The following RANBP17 variants were observed in gnomAD, a reference collection of about 807,000 sequenced individuals.
RANBP17 encodes the protein ran-binding protein 17.
In RANBP17, 158 loss-of-function variants were observed where a neutral mutation model predicts 141.2. The observed-to-expected ratio is 1.12, with a 90% CI of 0.98 to 1.28. The LOEUF is 1.28. RANBP17 is among the 50% of genes most tolerant of loss of function. The pLI, the probability that RANBP17 is intolerant of heterozygous loss-of-function variation, is 0.00. For synonymous variants in RANBP17, 430 were observed against 450.0 expected (o/e 0.96, Z 0.56); for missense variants, 1,438 against 1,290.7 (o/e 1.11, Z -1.75).
At chr5:171,162,938 A>C (rs1759451536) in intron 14 of RANBP17, among the ~76,000 whole-genome samples, 1 of 152,188 alleles carries the variant, frequency 6.6e-6, no homozygotes, top group Non-Finnish European at 1.5e-5. Flanking sequence ...GCCTCTTAAG[A>C]GATTTGTTAG....
At chr5:170,950,036 A>G (rs1330957512) in intron 12 of RANBP17, among the ~76,000 whole-genome samples, 1 of 152,168 alleles carries the variant, frequency 6.6e-6, no homozygotes, top group Non-Finnish European at 1.5e-5. Context: ...GGAAAATTGT[A>G]TATCCAGATG....
At chr5:170,962,101 C>A (rs1298304602) in intron 13 of RANBP17, among the ~76,000 whole-genome samples, 1 of 152,204 alleles carries the variant, frequency 6.6e-6, no homozygotes, top group East Asian at 1.9e-4. Context: ...ACCTGAGCCC[C>A]TGATACATCT....
At chr5:171,034,823 CTT>C (rs1252131317) in intron 14 of RANBP17, among the ~76,000 whole-genome samples, 1 of 151,840 alleles carries the variant, frequency 6.6e-6, no homozygotes, top group Admixed American at 6.6e-5. Context: ...TTTTTTCTTT[CTT>C]TGTTTTTTTG....
chr5:171,088,596 A>C (rs1445097199), intron 14 of RANBP17, among the ~76,000 whole-genome samples: 3 of 152,240 alleles, frequency 2.0e-5, no homozygotes, highest in Admixed American at 6.5e-5. Flanking sequence ...ACTTTCAGGT[A>C]CACCAATCAG....
chr5:171,163,353 T>G (rs1434893201), intron 14 of RANBP17, among the ~76,000 whole-genome samples: 1 of 152,214 alleles, frequency 6.6e-6, no homozygotes, highest in African/African-American at 2.4e-5. Context: ...GATTATCATA[T>G]TTTATCCTGC....
intron 5 of RANBP17, chr5:170,903,868 G>T (rs539841911): frequency 6.3e-6 from 3 of 477,548 alleles, no homozygotes; most frequent in East Asian, 1.1e-4. Flanking sequence ...AGATTTGAAG[G>T]GTCCCTTAAT....
At chr5:171,017,414 T>C (rs1363210974) in intron 14 of RANBP17, among the ~76,000 whole-genome samples, 1 of 152,180 alleles carries the variant, frequency 6.6e-6, no homozygotes, top group Non-Finnish European at 1.5e-5. Flanking sequence ...CGCCAGCATC[T>C]ATTGTTTCTT....
At chr5:171,024,726 A>G (rs1162188252) in intron 14 of RANBP17, among the ~76,000 whole-genome samples, 2 of 151,812 alleles carry the variant, frequency 1.3e-5, no homozygotes, top group African/African-American at 4.8e-5. Flanking sequence ...TCTTTAGTCT[A>G]ATAATTTTCC....
intron 24 of RANBP17, among the ~76,000 whole-genome samples, chr5:171,244,263 T>G (rs990101393): frequency 6.7e-6 from 1 of 150,266 alleles, no homozygotes; most frequent in Non-Finnish European, 1.5e-5. Context: ...TGTGGTGGTG[T>G]GCGCCTGTAG....
intron 18 of RANBP17, among the ~76,000 whole-genome samples, chr5:171,186,526 C>CTTCTTTTTTTTT (rs1761249837): frequency 2.4e-5 from 1 of 41,650 alleles, no homozygotes; most frequent in Admixed American, 4.4e-4. Flanking sequence ...GTATGATTTT[C>CTTCTTTTTTTTT]TTTTTTTTTT....
intron 16 of RANBP17, among the ~76,000 whole-genome samples, chr5:171,182,594 G>A (rs916298176): frequency 1.3e-5 from 2 of 152,142 alleles, no homozygotes; most frequent in African/African-American, 4.8e-5. Context: ...TGAAGATTAG[G>A]TGAATTAACA....
chr5:171,044,420 A>T lies in RANBP17; in HGVS notation c.1710+76043A>T, dbSNP rs560412209. Among the ~76,000 whole-genome samples, 13 of 152,100 alleles carry T rather than the reference A, an allele frequency of 8.5e-5. No individual in the cohort carries two copies. The South Asian group carries it at 2.3e-3, about 27-fold the overall frequency. The stretch of plus-strand genomic sequence containing the variant: ...GGAAACTTATTTTACCTTATTAGCA[A>T]TTTTAATTCATTAAGCCTTATTTTT... On this transcript the variant is annotated intron_variant, in intron 14 of 27. Coordinates refer to ENST00000523189, the MANE Select transcript of RANBP17 (RefSeq NM_022897.5).
chr5:170,909,530 A>G (rs1245940959), intron 5 of RANBP17, 131 bp from the exon 6 acceptor site: 1 of 571,446 alleles, frequency 1.7e-6, no homozygotes, highest in African/African-American at 2.0e-5. Flanking sequence ...TAGGAAGAAC[A>G]TTAAATTGAA....
intron 22 of RANBP17, among the ~76,000 whole-genome samples, chr5:171,228,949 C>T (rs578187617): frequency 4.0e-4 from 61 of 152,086 alleles, no homozygotes; most frequent in Non-Finnish European, 6.9e-4. Flanking sequence ...AAAAGTGTGA[C>T]TAACTTTATT....
chr5:171,024,054 C>T (rs771282175), intron 14 of RANBP17, among the ~76,000 whole-genome samples: 135 of 152,132 alleles, frequency 8.9e-4, no homozygotes, highest in Non-Finnish European at 1.4e-3. Flanking sequence ...CCACTAGGAA[C>T]GACATTCCTT....
intron 14 of RANBP17, among the ~76,000 whole-genome samples, chr5:171,068,807 A>G (rs532330885): frequency 5.5e-4 from 84 of 152,144 alleles, no homozygotes; most frequent in African/African-American, 2.0e-3. Context: ...GCCAAGGTCA[A>G]ACTCTTGACC....
chr5:170,949,351 C>T (rs1775020425), intron 12 of RANBP17, among the ~76,000 whole-genome samples: 1 of 152,026 alleles, frequency 6.6e-6, no homozygotes, highest in Admixed American at 6.6e-5. Flanking sequence ...AGATTAGCAT[C>T]TAGAATACAT....
In RANBP17 at chr5:171,242,764, A is replaced by G. The variant is rs1232229920; in HGVS notation, c.2720A>G (p.Glu907Gly). Residue 907 changes from glutamate to glycine, a missense_variant, in exon 24 of 28, where the codon GAG becomes GGG. Coordinates refer to ENST00000523189, the MANE Select transcript of RANBP17 (RefSeq NM_022897.5). Reference sequence around the variant, plus strand: ...CATATGAGCTTCATCATCAACTTAGAGCCTCCTGTACTCATGTATGTTCTC... The same window carrying G: ...CATATGAGCTTCATCATCAACTTAGGGCCTCCTGTACTCATGTATGTTCTC... Reference protein sequence around the residue: ...QDHMSFIINLEPPVLMYVLTS... With the variant: ...QDHMSFIINLGPPVLMYVLTS... The G allele has an allele frequency of 6.2e-7, 1 of 1,613,654 alleles. No homozygotes were observed. The highest frequency in any genetic ancestry group is 8.5e-7 in the Non-Finnish European group (1 of 1,179,700).
intron 22 of RANBP17, among the ~76,000 whole-genome samples, chr5:171,231,779 CT>C (rs1227502757): frequency 6.6e-6 from 1 of 152,116 alleles, no homozygotes; most frequent in Non-Finnish European, 1.5e-5. Context: ...TGTCCCTAAC[CT>C]TTATAAACTC....
Sources: gnomAD v4.1 joint callset for allele counts (sites outside exome capture counted in the v4.1 genomes callset) on GRCh38, gnomAD v4.1.1 for gene constraint, MANE v1.5 for transcripts, NCBI Gene and HGNC (gene_info 2026-07-23, HGNC 2026-07-21) for gene names.